Variants in C12orf56 observed in about 807,000 individuals in gnomAD.
The protein encoded by C12orf56 is chromosome 12 open reading frame 56.
Under a neutral mutation model 69.9 loss-of-function variants are expected in C12orf56, and 71 were observed. The observed-to-expected ratio is 1.02, with a 90% CI of 0.84 to 1.24. C12orf56 has a LOEUF of 1.24. Ranked by LOEUF, C12orf56 falls within the 50% of genes most tolerant of loss-of-function variation. The pLI is 0.00. For synonymous variants in C12orf56, 276 were observed against 274.1 expected, an observed-to-expected ratio of 1.01 and a Z score of -0.07; for missense variants, 732 against 738.5, an observed-to-expected ratio of 0.99 and a Z score of 0.10.
chr12:64,329,211 C>G (rs1368457500), intron 3 of C12orf56, among the ~76,000 whole-genome samples: 1 of 152,114 alleles, frequency 6.6e-6, no homozygotes, highest in Non-Finnish European at 1.5e-5. Flanking sequence ...TAAACCAGTA[C>G]TTGAGCGTGA....
At chr12:64,352,788 G>T in intron 2 of C12orf56, 106 bp downstream of exon 2, 2 of 1,059,554 alleles carry the variant, frequency 1.9e-6, no homozygotes, top group East Asian at 6.2e-5. Flanking sequence ...TAGGAACCTG[G>T]ATTTTAACTG....
chr12:64,310,070 T>C (rs2038586414), intron 5 of C12orf56, among the ~76,000 whole-genome samples: 1 of 151,518 alleles, frequency 6.6e-6, no homozygotes, highest in East Asian at 1.9e-4. Flanking sequence ...CAGGCTGGAG[T>C]GCGGCGGTGC....
At position 64,365,878 on chromosome 12, in the gene C12orf56, TTA is replaced by T. The variant is rs1175018370; in HGVS notation, c.253-12824_253-12823del. Among the ~76,000 whole-genome samples the T allele has an allele frequency of 3.6e-5, 5 of 137,008 alleles. No individual in the cohort carries two copies. The East Asian group carries it at 1.0e-3, about 28-fold the overall frequency. 89.9% of individuals were successfully genotyped at this position (137,008 alleles called of 152,430 possible). On this transcript the variant is annotated intron_variant, in intron 1 of 12. Coordinates refer to ENST00000543942, the MANE Select transcript of C12orf56 (RefSeq NM_001170633.2). ...TTATATATAGTGTATATATTATACA[TTA>T]TATATAGTGTATATATTATACATTA...
At chr12:64,311,167 TGGCTCATGCCTGTAATCCCAGCACTTTG>T (rs1280807203) in intron 5 of C12orf56, among the ~76,000 whole-genome samples, 1 of 152,140 alleles carries the variant, frequency 6.6e-6, no homozygotes. Flanking sequence ...CCAGGCGTGG[TGGCTCATGCCTGTAATCCCAGCACTTTG>T]GGAGGCTGAG....
chr12:64,386,128 A>G (rs1446790261), intron 1 of C12orf56, among the ~76,000 whole-genome samples: 1 of 152,160 alleles, frequency 6.6e-6, no homozygotes, highest in Non-Finnish European at 1.5e-5. Context: ...CTTCAAAACT[A>G]GCAATGACTA....
intron 4 of C12orf56, among the ~76,000 whole-genome samples, chr12:64,313,755 C>T (rs1269872390): frequency 1.3e-5 from 2 of 151,070 alleles, no homozygotes; most frequent in African/African-American, 4.9e-5. Context: ...ATAGATTTAC[C>T]GATTTACAGC....
chr12:64,357,194 G>A (rs1217998433), intron 1 of C12orf56, among the ~76,000 whole-genome samples: 2 of 151,980 alleles, frequency 1.3e-5, no homozygotes, highest in Non-Finnish European at 2.9e-5. Flanking sequence ...CTGTTTCACG[G>A]GAAGAATTGT....
intron 1 of C12orf56, among the ~76,000 whole-genome samples, chr12:64,371,133 G>A (rs554794878): frequency 3.3e-5 from 5 of 152,344 alleles, no homozygotes; most frequent in African/African-American, 4.8e-5. Context: ...CAGACACGGT[G>A]GCTCACAACT....
At chr12:64,295,644 G>A (rs939014687) in intron 6 of C12orf56, among the ~76,000 whole-genome samples, 7 of 151,378 alleles carry the variant, frequency 4.6e-5, no homozygotes, top group Admixed American at 6.6e-5. Context: ...GCACTTCAGC[G>A]TAGGTGACAG....
chr12:64,360,565 A>G (rs1171919473), intron 1 of C12orf56, among the ~76,000 whole-genome samples: 1 of 152,232 alleles, frequency 6.6e-6, no homozygotes, highest in Admixed American at 6.5e-5. Flanking sequence ...GATCCTATAA[A>G]ATAATTTTAA....
intron 1 of C12orf56, among the ~76,000 whole-genome samples, chr12:64,362,427 C>T (rs1295499321): frequency 6.6e-6 from 1 of 152,082 alleles, no homozygotes; most frequent in Non-Finnish European, 1.5e-5. Flanking sequence ...CGTGGTGGCT[C>T]ACACCTGTAA....
chr12:64,325,007 AACAC>A (rs2038819913), intron 3 of C12orf56, among the ~76,000 whole-genome samples: 1 of 152,184 alleles, frequency 6.6e-6, no homozygotes, highest in Non-Finnish European at 1.5e-5. Flanking sequence ...CAGACAACTG[AACAC>A]TGTCCCTAAA....
chr12:64,331,966 GA>G (rs757289812), intron 2 of C12orf56, among the ~76,000 whole-genome samples: 1 of 151,250 alleles, frequency 6.6e-6, no homozygotes, highest in Admixed American at 6.6e-5. Flanking sequence ...AAAAAAGAAG[GA>G]AAAAAAGACT....
intron 12 of C12orf56, chr12:64,267,607 G>A (rs1399740566): frequency 1.1e-5 from 3 of 265,060 alleles, no homozygotes; most frequent in African/African-American, 6.9e-5. Context: ...TGAAATGAAA[G>A]GGTCAAGCTG....
intron 5 of C12orf56, among the ~76,000 whole-genome samples, chr12:64,308,944 AAAGAAAGAAAGAAAG>A (rs2038565099): frequency 3.4e-4 from 16 of 46,712 alleles, no homozygotes; most frequent in Admixed American, 2.7e-3. Flanking sequence ...AAGAAAGAAG[AAAGAAAGAAAGAAAG>A]AAAGAAAGAA....
At chr12:64,270,010 T>G (rs1263135526) in intron 12 of C12orf56, among the ~76,000 whole-genome samples, 1 of 152,156 alleles carries the variant, frequency 6.6e-6, no homozygotes, top group Non-Finnish European at 1.5e-5. Flanking sequence ...GTTTCACTAG[T>G]CTTTTCTGGC....
intron 2 of C12orf56, among the ~76,000 whole-genome samples, chr12:64,335,059 T>C (rs758016123): frequency 1.3e-5 from 2 of 152,126 alleles, no homozygotes; most frequent in Non-Finnish European, 2.9e-5. Context: ...AAAAGTTCTG[T>C]TGGGTAATGC....
At chr12:64,313,594 G>A (rs2038651610) in intron 4 of C12orf56, among the ~76,000 whole-genome samples, 1 of 150,892 alleles carries the variant, frequency 6.6e-6, no homozygotes, top group African/African-American at 2.4e-5. Flanking sequence ...GGTCCTTCCA[G>A]GCATATAAAG....
At chr12:64,361,501 C>G (rs966107863) in intron 1 of C12orf56, among the ~76,000 whole-genome samples, 2 of 152,118 alleles carry the variant, frequency 1.3e-5, no homozygotes, top group African/African-American at 4.8e-5. Flanking sequence ...CCACCAAAAC[C>G]AAGATGGTGA....
Sources: gnomAD v4.1 joint callset for allele counts (sites outside exome capture counted in the v4.1 genomes callset) on GRCh38, gnomAD v4.1.1 for gene constraint, MANE v1.5 for transcripts, NCBI Gene and HGNC (gene_info 2026-07-23, HGNC 2026-07-21) for gene names.